Variants in IL1RAPL1 observed in about 807,000 individuals in gnomAD.
IL1RAPL1 encodes the protein interleukin 1 receptor accessory protein like 1.
Under a neutral mutation model 48.4 loss-of-function variants are expected in IL1RAPL1, and 3 were observed. That is an observed-to-expected ratio of 0.06 (90% CI 0.03 to 0.16). The LOEUF (loss-of-function observed/expected upper bound fraction) is 0.16, where lower values mean the gene tolerates loss of function less well. Among genes scored for constraint, IL1RAPL1 ranks in the 10% least tolerant of loss-of-function variants. IL1RAPL1 has a pLI of 1.00. For synonymous variants in IL1RAPL1, 185 were observed against 187.7 expected (o/e 0.99, Z 0.12); for missense variants, 349 against 530.6 (o/e 0.66, Z 3.36).
intron 6 of IL1RAPL1, among the ~76,000 whole-genome samples, chrX:29,694,505 G>A: frequency 9.0e-6 from 1 of 111,184 alleles, no homozygotes; most frequent in Middle Eastern, 4.6e-3. Context: ...CAGTCTACTT[G>A]TGCTGCTATA....
chrX:29,159,606 A>G lies in IL1RAPL1; in HGVS notation c.83-123332A>G, dbSNP rs1335153046. 3.6e-5 allele frequency among the ~76,000 whole-genome samples: 4 copies of G among 112,311 alleles called. No individual in the cohort carries two copies. In the Admixed American group the frequency reaches 3.8e-4, roughly 11 times the overall value. On this transcript the variant is annotated intron_variant, in intron 2 of 10. Coordinates refer to ENST00000378993, the MANE Select transcript of IL1RAPL1 (RefSeq NM_014271.4). ...TTTGATAGAAAACTGCCATTTTGTA[A>G]TGGATAGCACATCAATTGGATAGCC...
intron 2 of IL1RAPL1, among the ~76,000 whole-genome samples, chrX:29,229,020 G>A (rs1268038765): frequency 9.0e-6 from 1 of 111,646 alleles, no homozygotes; most frequent in African/African-American, 3.3e-5. Flanking sequence ...ATTCAACTCT[G>A]GGTTTCTAAA....
intron 2 of IL1RAPL1, among the ~76,000 whole-genome samples, chrX:28,791,100 G>A (rs1361068381): frequency 9.4e-6 from 1 of 105,957 alleles, no homozygotes; most frequent in Non-Finnish European, 2.0e-5. Flanking sequence ...TATAAAATCT[G>A]TTTTTTTTTC....
intron 1 of IL1RAPL1, among the ~76,000 whole-genome samples, chrX:28,771,488 C>T (rs1374541560): frequency 1.1e-4 from 12 of 110,587 alleles, no homozygotes; most frequent in East Asian, 2.9e-4. Flanking sequence ...GTGAAGTGGC[C>T]GGAAAAACAA....
chrX:28,617,309 G>T (rs901809002), intron 1 of IL1RAPL1, among the ~76,000 whole-genome samples: 3 of 111,206 alleles, frequency 2.7e-5, no homozygotes, highest in East Asian at 2.8e-4. Flanking sequence ...TGGGGAAGAG[G>T]CTGTCATTGA....
chrX:28,773,420 C>G (rs187510799), intron 1 of IL1RAPL1, among the ~76,000 whole-genome samples: 1 of 111,777 alleles, frequency 8.9e-6, no homozygotes, highest in Admixed American at 9.6e-5. Context: ...CTTTACCACT[C>G]TTTGAGATAT....
chrX:29,625,259 T>G (rs1192477238), intron 5 of IL1RAPL1, among the ~76,000 whole-genome samples: 1 of 111,971 alleles, frequency 8.9e-6, no homozygotes, highest in African/African-American at 3.2e-5. Flanking sequence ...TCAGTAATAT[T>G]TTTAAGAAAA....
At chrX:29,557,362 C>T (rs190411539) in intron 5 of IL1RAPL1, among the ~76,000 whole-genome samples, 1 of 111,428 alleles carries the variant, frequency 9.0e-6, no homozygotes, top group Non-Finnish European at 1.9e-5. Context: ...TTCTGAATCC[C>T]ACTTTTTTCA....
At chrX:29,774,611 A>G (rs1033509719) in intron 6 of IL1RAPL1, among the ~76,000 whole-genome samples, 1 of 112,154 alleles carries the variant, frequency 8.9e-6, no homozygotes, top group Non-Finnish European at 1.9e-5. Flanking sequence ...TTTCTTCAAT[A>G]TACAAAGAAT....
chrX:28,731,238 A>AG (rs1471800890), intron 1 of IL1RAPL1, among the ~76,000 whole-genome samples: 2 of 111,911 alleles, frequency 1.8e-5, no homozygotes, highest in Admixed American at 1.9e-4. Flanking sequence ...TATAAAAAAA[A>AG]CATCCTAAGG....
At chrX:29,252,135 G>A (rs1352442687) in intron 2 of IL1RAPL1, among the ~76,000 whole-genome samples, 1 of 107,454 alleles carries the variant, frequency 9.3e-6, no homozygotes, top group Non-Finnish European at 1.9e-5. Context: ...GGAGGGGGGA[G>A]GGATAGCTTT....
At chrX:29,908,538 T>A (rs969460313) in intron 6 of IL1RAPL1, among the ~76,000 whole-genome samples, 6 of 110,866 alleles carry the variant, frequency 5.4e-5, no homozygotes, top group Middle Eastern at 4.7e-3. Flanking sequence ...TTGAAAAAAA[T>A]GGGTAGCCCC....
intron 2 of IL1RAPL1, among the ~76,000 whole-genome samples, chrX:28,819,967 GATATATATATATATATATAT>G (rs764635166): frequency 2.8e-3 from 76 of 26,744 alleles, no homozygotes; most frequent in East Asian, 0.014. Flanking sequence ...TAAACATAGT[GATATATATATATATATATAT>G]ATATATATAT....
chrX:29,295,713 G>A (rs1932439805), intron 3 of IL1RAPL1, among the ~76,000 whole-genome samples: 1 of 111,151 alleles, frequency 9.0e-6, no homozygotes, highest in Non-Finnish European at 1.9e-5. Flanking sequence ...CCCTCTATAG[G>A]GTATGGTCTT....
chrX:29,594,459 A>G (rs1923478908), intron 5 of IL1RAPL1, among the ~76,000 whole-genome samples: 1 of 111,671 alleles, frequency 9.0e-6, no homozygotes, highest in Non-Finnish European at 1.9e-5. Flanking sequence ...ACTTGCTTAT[A>G]TAAATAAAAA....
intron 2 of IL1RAPL1, among the ~76,000 whole-genome samples, chrX:28,971,876 TTGTGTGTGTGTG>T (rs3066657): frequency 2.5e-4 from 21 of 84,477 alleles, no homozygotes; most frequent in South Asian, 2.2e-3. Context: ...ACTCTGAAAA[TTGTGTGTGTGTG>T]TGTGTGTGTG....
intron 2 of IL1RAPL1, among the ~76,000 whole-genome samples, chrX:29,072,569 T>C (rs1927587813): frequency 8.9e-6 from 1 of 111,866 alleles, no homozygotes; most frequent in African/African-American, 3.2e-5. Flanking sequence ...ATGGCTTTCA[T>C]GACATTGTGT....
At chrX:29,333,281 A>ACC (rs1313740434) in intron 3 of IL1RAPL1, among the ~76,000 whole-genome samples, 1 of 101,695 alleles carries the variant, frequency 9.8e-6, no homozygotes, top group Non-Finnish European at 2.0e-5. Flanking sequence ...CGGGGGGCTG[A>ACC]CCCCCCCCAC....
At chrX:28,759,167 G>A (rs1936137657) in intron 1 of IL1RAPL1, among the ~76,000 whole-genome samples, 1 of 110,903 alleles carries the variant, frequency 9.0e-6, no homozygotes, top group Non-Finnish European at 1.9e-5. Flanking sequence ...GATCCCGGGA[G>A]GCGGAAGTTG....
Sources: allele counts gnomAD v4.1 joint callset (sites outside exome capture counted in the v4.1 genomes callset), GRCh38; gene constraint gnomAD v4.1.1; transcripts MANE v1.5; gene names NCBI Gene and HGNC (gene_info 2026-07-23, HGNC 2026-07-21).